ZNF536: variants seen among roughly 807,000 people sequenced by gnomAD.
ZNF536 encodes zinc finger protein 536.
Under a neutral mutation model 84.5 loss-of-function variants are expected in ZNF536, and 13 were observed. That is an observed-to-expected ratio of 0.15 (90% CI 0.10 to 0.24). The LOEUF is 0.24. ZNF536 is among the 10% of genes least tolerant of loss of function. The pLI, the probability that ZNF536 is intolerant of heterozygous loss-of-function variation, is 1.00. For missense variants in ZNF536, 1,536 were observed against 1,747.5 expected (o/e 0.88, Z 2.16); for synonymous variants, 811 against 742.5 (o/e 1.09, Z -1.50).
Position 30,445,400 on chromosome 19 carries a change from A to T in ZNF536, c.1838A>T (p.Asn613Ile). 6.2e-7 allele frequency: 1 copy of T among 1,614,140 alleles called. No homozygotes were observed. Among genetic ancestry groups the T allele is most frequent in the East Asian group, 2.2e-5 (1 of 44,840 alleles). Residue 613 changes from asparagine to isoleucine, a missense_variant, in exon 2 of 5, where the codon AAC becomes ATC. Physicochemically the swap from Asn to Ile is moderately radical, Grantham distance 149. This residue lies in a region of ZNF536 where 366 missense variants were observed against 364.4 expected (regional missense o/e 1.00). Coordinates refer to ENST00000355537, the MANE Select transcript of ZNF536 (RefSeq NM_014717.3). This position sits in a 1 kb window ranked among gnomAD's most constrained non-coding sequence, Gnocchi z 4.5. ...SSRDFLSHGL[N>I]QTLEYNLQGP... ...CGGGATTTTTTGTCACACGGGCTGA[A>T]CCAGACTCTCGAGTATAACCTGCAG... is the stretch of plus-strand genomic sequence containing the variant.
chr19:30,264,040 A>G (rs2025365957), intron 1 of ZNF536, among the ~76,000 whole-genome samples: 1 of 152,252 alleles, frequency 6.6e-6, no homozygotes, highest in South Asian at 2.1e-4. Flanking sequence ...ATGAATAAGC[A>G]TAATCAGATC....
chr19:30,656,813 C>G (rs1207478440), intron 1 of ZNF536, among the ~76,000 whole-genome samples: 2 of 152,194 alleles, frequency 1.3e-5, no homozygotes, highest in African/African-American at 2.4e-5. Context: ...GGGCCTCATT[C>G]TGATGTTTCT....
chr19:30,370,235 T>C (rs1425923624), upstream of ZNF536, among the ~76,000 whole-genome samples: 1 of 152,334 alleles, frequency 6.6e-6, no homozygotes, highest in Admixed American at 6.5e-5. Flanking sequence ...CTTTGATTAG[T>C]GGAGTGCTAT....
intron 1 of ZNF536, among the ~76,000 whole-genome samples, chr19:30,263,428 C>T (rs991482049): frequency 9.9e-5 from 15 of 152,254 alleles, no homozygotes; most frequent in African/African-American, 3.6e-4. Context: ...GGGACCATCC[C>T]CCCGACCAGC....
intron 1 of ZNF536, among the ~76,000 whole-genome samples, chr19:30,598,999 T>TC (rs2047571881): frequency 1.2e-5 from 1 of 80,024 alleles, no homozygotes; most frequent in African/African-American, 5.0e-5. Context: ...CTTCCTCCCT[T>TC]CCTCCTTCCC....
At chr19:30,423,729 A>T (rs993261290) in intron 1 of ZNF536, among the ~76,000 whole-genome samples, 2 of 152,210 alleles carry the variant, frequency 1.3e-5, no homozygotes, top group African/African-American at 4.8e-5. Flanking sequence ...TGCGAAGAGC[A>T]TGCAAGGGCA....
At chr19:30,404,156 G>A (rs555019014) in intron 1 of ZNF536, among the ~76,000 whole-genome samples, 10 of 151,968 alleles carry the variant, frequency 6.6e-5, no homozygotes, top group African/African-American at 2.2e-4. Flanking sequence ...TAAGGCCAGC[G>A]TTGCCCACGC....
intron 1 of ZNF536, among the ~76,000 whole-genome samples, chr19:30,590,160 A>C (rs893530388): frequency 1.3e-5 from 2 of 152,134 alleles, no homozygotes; most frequent in East Asian, 3.9e-4. Context: ...GAGGTTCTTC[A>C]TGGGCTCTGA....
intron 2 of ZNF536, among the ~76,000 whole-genome samples, chr19:30,344,102 C>G (rs1312371942): frequency 2.0e-5 from 3 of 151,450 alleles, no homozygotes; most frequent in Admixed American, 6.6e-5. Flanking sequence ...CAGGGGCACC[C>G]CTGTTTTGGC....
chr19:30,270,045 C>T (rs898667352), intron 1 of ZNF536, among the ~76,000 whole-genome samples: 1 of 152,202 alleles, frequency 6.6e-6, no homozygotes, highest in Non-Finnish European at 1.5e-5. Flanking sequence ...AAAATACCTA[C>T]TTCTAAGGCG....
At chr19:30,645,978 C>T (rs2049451196) in intron 1 of ZNF536, among the ~76,000 whole-genome samples, 1 of 151,942 alleles carries the variant, frequency 6.6e-6, no homozygotes, top group Admixed American at 6.6e-5. Context: ...GGGTTGGAGC[C>T]CTGAGGACAG....
At chr19:30,317,894 G>GATCA (rs1276332236) in intron 2 of ZNF536, among the ~76,000 whole-genome samples, 1 of 152,222 alleles carries the variant, frequency 6.6e-6, no homozygotes, top group African/African-American at 2.4e-5. Context: ...CTTGAATGCA[G>GATCA]ATCATATCTT....
chr19:30,689,050 C>A (rs990569616), intron 1 of ZNF536, among the ~76,000 whole-genome samples: 3 of 152,238 alleles, frequency 2.0e-5, no homozygotes, highest in Admixed American at 1.3e-4. Flanking sequence ...TGTGTCATCC[C>A]CTTAGACCTG....
At chr19:30,366,190 T>A (rs2048422565) in intron 3 of ZNF536, among the ~76,000 whole-genome samples, 1 of 152,226 alleles carries the variant, frequency 6.6e-6, no homozygotes, top group Admixed American at 6.5e-5. Flanking sequence ...TCTGGTCATA[T>A]CTGACAACAC....
chr19:30,671,783 G>A (rs2050566261), intron 1 of ZNF536, among the ~76,000 whole-genome samples: 2 of 152,212 alleles, frequency 1.3e-5, no homozygotes, highest in Admixed American at 1.3e-4. Context: ...CTCAACTTGG[G>A]TGGTTGCAAT....
At chr19:30,459,573 A>G (rs997397403) in intron 2 of ZNF536, among the ~76,000 whole-genome samples, 13 of 151,054 alleles carry the variant, frequency 8.6e-5, no homozygotes, top group East Asian at 7.8e-4. Flanking sequence ...CTGGTCTCGA[A>G]CTCCTGACCT....
chr19:30,497,783 C>T lies in ZNF536; in HGVS notation c.2171-37064C>T, dbSNP rs571856100. Among the ~76,000 whole-genome samples, 122 of 152,148 alleles carry T rather than the reference C, an allele frequency of 8.0e-4. 1 individual carries two copies. The highest frequency in any genetic ancestry group is 2.7e-3 in the African/African-American group (112 of 41,502). On this transcript the variant is annotated intron_variant, in intron 2 of 4. Transcript: ENST00000355537. ...GGGTGTGGGAACATGAGTGTGTGAA[C>T]GTGGGGTGTGTGTGTGTGTACATTC... is the stretch of plus-strand genomic sequence containing the variant.
At chr19:30,330,127 T>C (rs749956232) in intron 2 of ZNF536, among the ~76,000 whole-genome samples, 1 of 152,194 alleles carries the variant, frequency 6.6e-6, no homozygotes, top group Non-Finnish European at 1.5e-5. Flanking sequence ...CCACTACTAA[T>C]TTCTTTGAGT....
intron 2 of ZNF536, among the ~76,000 whole-genome samples, chr19:30,351,854 G>A (rs190488865): frequency 3.0e-4 from 45 of 152,334 alleles, no homozygotes; most frequent in African/African-American, 1.1e-3. Flanking sequence ...GCTCGCACAT[G>A]GACTTCATGT....
Sources: allele counts gnomAD v4.1 joint callset (sites outside exome capture counted in the v4.1 genomes callset), GRCh38; gene constraint gnomAD v4.1.1; regional missense constraint gnomAD v4.1.1; non-coding constraint Gnocchi (gnomAD v3.1); transcripts MANE v1.5; gene names NCBI Gene and HGNC (gene_info 2026-07-23, HGNC 2026-07-21).